Variants in PRIM2 observed in about 807,000 individuals in gnomAD.
PRIM2 encodes DNA primase large subunit.
Under a neutral mutation model 67.3 loss-of-function variants are expected in PRIM2, and 39 were observed. The ratio of observed to expected loss-of-function variants is 0.58; its 90% CI spans 0.45 to 0.76. The LOEUF (loss-of-function observed/expected upper bound fraction) is 0.76, where lower values mean the gene tolerates loss of function less well. PRIM2 is among the 30% of genes least tolerant of loss of function. The probability of loss-of-function intolerance (pLI) is 0.00; values close to 1 mark genes in which losing one functional copy is unlikely to be tolerated. For synonymous variants in PRIM2, 143 were observed against 198.7 expected (o/e 0.72, Z 2.36); for missense variants, 398 against 598.7 (o/e 0.66, Z 3.50).
intron 5 of PRIM2, among the ~76,000 whole-genome samples, chr6:57,350,012 TC>T (rs1768810221): frequency 6.6e-6 from 1 of 152,182 alleles, no homozygotes; most frequent in Non-Finnish European, 1.5e-5. Context: ...AATAACTTCT[TC>T]TTGGACCCCT....
At chr6:57,457,472 C>T (rs1376589590) in intron 7 of PRIM2, among the ~76,000 whole-genome samples, 1 of 152,180 alleles carries the variant, frequency 6.6e-6, no homozygotes, top group African/African-American at 2.4e-5. Flanking sequence ...TTTACCTACT[C>T]AAGCCTTGGC....
chr6:57,592,967 C>A (rs1266927664), intron 10 of PRIM2, among the ~76,000 whole-genome samples: 7 of 152,034 alleles, frequency 4.6e-5, no homozygotes, highest in Non-Finnish European at 1.0e-4. Context: ...GGTCACTAGA[C>A]CCTGGGTGGG....
the PRIM2 span, among the ~76,000 whole-genome samples, chr6:57,241,006 C>T: frequency 2.4e-4 from 36 of 151,904 alleles, no homozygotes; most frequent in South Asian, 1.9e-3. Context: ...GGGCAGATCA[C>T]GAGGTCAGGA....
At chr6:57,583,232 G>T (rs1441583156) in intron 10 of PRIM2, among the ~76,000 whole-genome samples, 7 of 148,880 alleles carry the variant, frequency 4.7e-5, no homozygotes, top group Admixed American at 4.0e-4. Flanking sequence ...CAGTGTGCAG[G>T]TTTGTTACAT....
intron 5 of PRIM2, among the ~76,000 whole-genome samples, chr6:57,337,728 T>C (rs1196288658): frequency 2.0e-5 from 3 of 152,094 alleles, no homozygotes; most frequent in Non-Finnish European, 4.4e-5. Flanking sequence ...GAGGGAAATA[T>C]ATAGTGCTAA....
At chr6:57,311,847 C>T (rs1211835569), upstream of PRIM2, among the ~76,000 whole-genome samples, 1 of 151,956 alleles carries the variant, frequency 6.6e-6, no homozygotes, top group Non-Finnish European at 1.5e-5. Flanking sequence ...GTCAACACGG[C>T]GAAACCCCGT....
intron 7 of PRIM2, among the ~76,000 whole-genome samples, chr6:57,410,041 C>T (rs561014792): frequency 6.6e-5 from 10 of 151,790 alleles, no homozygotes; most frequent in Admixed American, 2.0e-4. Flanking sequence ...AAGACTGGGC[C>T]GGGCCAGTGG....
intron 5 of PRIM2, among the ~76,000 whole-genome samples, chr6:57,365,647 A>T (rs1769331171): frequency 6.6e-6 from 1 of 152,148 alleles, no homozygotes; most frequent in Non-Finnish European, 1.5e-5. Flanking sequence ...TAAACATTTC[A>T]TCAGGTATTG....
At chr6:57,608,187 A>G (rs1273061524) in intron 12 of PRIM2, among the ~76,000 whole-genome samples, 3 of 152,140 alleles carry the variant, frequency 2.0e-5, no homozygotes, top group African/African-American at 7.2e-5. Context: ...GGGGAGAGAG[A>G]GAGAAAATAC....
intron 5 of PRIM2, among the ~76,000 whole-genome samples, chr6:57,378,508 T>C (rs1769848287): frequency 6.6e-6 from 1 of 152,258 alleles, no homozygotes; most frequent in Non-Finnish European, 1.5e-5. Flanking sequence ...TCGTGAAGTA[T>C]AGTTTTTTTC....
In PRIM2 at chr6:57,374,534, C is replaced by T. The variant is rs923767683; in HGVS notation, c.460-5367C>T. On this transcript the variant is annotated intron_variant, in intron 5 of 13. Transcript: ENST00000615550. ...GTCTCGATCTCCTGACCTCGTGATC[C>T]GCCCGTCTCGGCCTCCCAAAGTGCT... Among the ~76,000 whole-genome samples the T allele has an allele frequency of 6.3e-4, 95 of 150,708 alleles. No individual in the cohort carries two copies. The Middle Eastern group carries it at 0.01, about 16-fold the overall frequency.
At chr6:57,555,262 G>T (rs1240024165) in intron 10 of PRIM2, among the ~76,000 whole-genome samples, 10 of 152,048 alleles carry the variant, frequency 6.6e-5, no homozygotes, top group African/African-American at 9.7e-5. Flanking sequence ...AGTATGTCTG[G>T]CACTTTGTGT....
At chr6:57,371,927 A>G (rs903836106) in intron 5 of PRIM2, among the ~76,000 whole-genome samples, 10 of 152,272 alleles carry the variant, frequency 6.6e-5, no homozygotes, top group African/African-American at 1.7e-4. Context: ...TGAAAGGTAA[A>G]TAGTCAATTA....
Position 57,624,181 on chromosome 6 carries a change from T to C in PRIM2, c.1231-7952T>C, listed in dbSNP as rs1317225500. Among the ~76,000 whole-genome samples, 249 of 152,236 alleles carry C rather than the reference T, an allele frequency of 1.6e-3. 6 individuals carry two copies. In the East Asian group the frequency reaches 0.021, roughly 13 times the overall value. ...ACCATGGAACTGAGGTTTGACAACA[T>C]GTTTCTCCGTATCTCTAAGCAGGCT... On this transcript the variant is annotated intron_variant, in intron 12 of 13. Coordinates refer to ENST00000615550, the MANE Select transcript of PRIM2 (RefSeq NM_000947.5).
intron 7 of PRIM2, among the ~76,000 whole-genome samples, chr6:57,458,878 C>T (rs533448722): frequency 6.6e-6 from 1 of 152,226 alleles, no homozygotes; most frequent in African/African-American, 2.4e-5. Flanking sequence ...AACCAGGTGA[C>T]ATCTGGTAAC....
intron 10 of PRIM2, among the ~76,000 whole-genome samples, chr6:57,598,720 G>A (rs1192053045): frequency 6.6e-6 from 1 of 151,296 alleles, no homozygotes; most frequent in Admixed American, 6.6e-5. Context: ...GACCTTGTCT[G>A]GTGACACACA....
intron 5 of PRIM2, among the ~76,000 whole-genome samples, chr6:57,373,119 C>T (rs1259494720): frequency 6.6e-6 from 1 of 152,108 alleles, no homozygotes; most frequent in Admixed American, 6.5e-5. Context: ...ACCTTGCCAG[C>T]ATCTGTTGTT....
chr6:57,284,065 C>T, the PRIM2 span, among the ~76,000 whole-genome samples: 1 of 151,994 alleles, frequency 6.6e-6, no homozygotes, highest in Non-Finnish European at 1.5e-5. Flanking sequence ...GGTCACTCTC[C>T]CCATAAGTAT....
intron 7 of PRIM2, among the ~76,000 whole-genome samples, chr6:57,464,879 T>G (rs1265045978): frequency 6.6e-6 from 1 of 152,200 alleles, no homozygotes. Context: ...CAGTATACTT[T>G]AAGGTAGGTA....
Sources: allele counts gnomAD v4.1 joint callset (sites outside exome capture counted in the v4.1 genomes callset), GRCh38; gene constraint gnomAD v4.1.1; transcripts MANE v1.5; gene names NCBI Gene and HGNC (gene_info 2026-07-23, HGNC 2026-07-21).